The following MAGI2 variants were observed in gnomAD, a reference collection of about 807,000 sequenced individuals.
The protein encoded by MAGI2 is membrane associated guanylate kinase, WW and PDZ domain containing 2, also known as membrane-associated guanylate kinase, WW and PDZ domain-containing protein 2.
Under a neutral mutation model 133.3 loss-of-function variants are expected in MAGI2, and 35 were observed. The ratio of observed to expected loss-of-function variants is 0.26; its 90% confidence interval spans 0.20 to 0.35. MAGI2 has a LOEUF of 0.35. Ranked by LOEUF, MAGI2 falls within the 10% of genes least tolerant of loss-of-function variation. The probability of loss-of-function intolerance (pLI) is 1.00; values close to 1 mark genes in which losing one functional copy is unlikely to be tolerated. For missense variants in MAGI2, 1,636 were observed against 1,863.4 expected (o/e 0.88, Z 2.25); for synonymous variants, 729 against 710.6 (o/e 1.03, Z -0.41).
intron 9 of MAGI2, among the ~76,000 whole-genome samples, chr7:78,289,089 G>C (rs991013431): frequency 6.6e-6 from 1 of 152,198 alleles, no homozygotes; most frequent in Non-Finnish European, 1.5e-5. Context: ...AAGGAACAAA[G>C]TTGGATGGAG....
intron 2 of MAGI2, among the ~76,000 whole-genome samples, chr7:78,996,251 A>T (rs929155766): frequency 6.6e-6 from 1 of 152,044 alleles, no homozygotes; most frequent in East Asian, 1.9e-4. Flanking sequence ...AGATAAGAAG[A>T]GCTGAGGTAA....
chr7:78,255,822 A>G (rs1190318796), intron 10 of MAGI2, 121 bp downstream of exon 10: 4 of 1,039,570 alleles, frequency 3.8e-6, no homozygotes, highest in Non-Finnish European at 4.3e-6. Context: ...TCACTCTTTA[A>G]GCTTTATTTT....
intron 3 of MAGI2, among the ~76,000 whole-genome samples, chr7:78,579,554 C>T (rs1413373838): frequency 6.6e-6 from 1 of 152,150 alleles, no homozygotes. Context: ...GAGATGGTAC[C>T]AGAGGAATCT....
chr7:78,143,633 A>G (rs1473814051), intron 16 of MAGI2, among the ~76,000 whole-genome samples: 1 of 152,166 alleles, frequency 6.6e-6, no homozygotes. Context: ...TATTTTTTGA[A>G]GAAGCATTTA....
intron 1 of MAGI2, among the ~76,000 whole-genome samples, chr7:79,245,285 T>C (rs993039010): frequency 6.6e-6 from 1 of 152,142 alleles, no homozygotes; most frequent in African/African-American, 2.4e-5. Flanking sequence ...TCAGCATAGG[T>C]ACTAACATGA....
At chr7:79,116,376 T>C (rs1007087482) in intron 1 of MAGI2, among the ~76,000 whole-genome samples, 2 of 152,108 alleles carry the variant, frequency 1.3e-5, no homozygotes, top group East Asian at 3.9e-4. Context: ...TCAGGGAATG[T>C]ACTATCCCCA....
intron 20 of MAGI2, among the ~76,000 whole-genome samples, chr7:78,123,431 G>C (rs970286793): frequency 1.3e-5 from 2 of 152,052 alleles, no homozygotes; most frequent in Non-Finnish European, 2.9e-5. Context: ...GACACAGCAA[G>C]GGATCAAAAA....
At chr7:78,395,564 G>A (rs1796271898) in intron 6 of MAGI2, among the ~76,000 whole-genome samples, 1 of 152,182 alleles carries the variant, frequency 6.6e-6, no homozygotes, top group African/African-American at 2.4e-5. Flanking sequence ...TTAATGTAGG[G>A]AGGAGGTAGA....
At chr7:79,019,377 C>T (rs1809058018) in intron 1 of MAGI2, among the ~76,000 whole-genome samples, 1 of 151,986 alleles carries the variant, frequency 6.6e-6, no homozygotes, top group Non-Finnish European at 1.5e-5. Context: ...AAGATGTTTC[C>T]CCTTTCATTC....
intron 2 of MAGI2, among the ~76,000 whole-genome samples, chr7:78,973,538 C>T (rs1803967869): frequency 1.3e-5 from 2 of 150,916 alleles, no homozygotes; most frequent in Admixed American, 6.6e-5. Context: ...AGAGAATTTG[C>T]TGCAAGAGAC....
At chr7:78,757,418 C>T (rs2151291992) in intron 2 of MAGI2, among the ~76,000 whole-genome samples, 1 of 152,096 alleles carries the variant, frequency 6.6e-6, no homozygotes, top group South Asian at 2.1e-4. Flanking sequence ...AAAATTCCAC[C>T]TCTTGGCCCT....
intron 1 of MAGI2, among the ~76,000 whole-genome samples, chr7:79,071,222 G>T (rs1814928871): frequency 6.6e-6 from 1 of 152,200 alleles, no homozygotes; most frequent in Non-Finnish European, 1.5e-5. Context: ...CAGGTCTGCT[G>T]GATTTTGCTG....
At chr7:78,256,844 G>A (rs930874486) in intron 9 of MAGI2, among the ~76,000 whole-genome samples, 2 of 152,152 alleles carry the variant, frequency 1.3e-5, no homozygotes, top group Non-Finnish European at 2.9e-5. Context: ...CAAAGGCTCT[G>A]AAAGAAAAGG....
chr7:78,588,976 C>T (rs1307634756), intron 3 of MAGI2, among the ~76,000 whole-genome samples: 1 of 152,110 alleles, frequency 6.6e-6, no homozygotes, highest in African/African-American at 2.4e-5. Flanking sequence ...AGTAGGAATT[C>T]CCAAGCTTCT....
intron 1 of MAGI2, among the ~76,000 whole-genome samples, chr7:79,292,886 C>T (rs772625113): frequency 3.4e-5 from 5 of 147,690 alleles, no homozygotes; most frequent in African/African-American, 5.0e-5. Flanking sequence ...ATTAAGTCTT[C>T]GGCTTCCTCT....
At chr7:78,162,455 G>T (rs1350648519) in intron 15 of MAGI2, among the ~76,000 whole-genome samples, 1 of 150,616 alleles carries the variant, frequency 6.6e-6, no homozygotes, top group African/African-American at 2.5e-5. Flanking sequence ...AACCCGGGAG[G>T]CAGAGCTTGC....
intron 3 of MAGI2, among the ~76,000 whole-genome samples, chr7:78,597,867 TTTTTC>T (rs1363626609): frequency 9.0e-6 from 1 of 111,440 alleles, no homozygotes; most frequent in African/African-American, 5.2e-5. Context: ...ACTGTTTTTT[TTTTTC>T]CCCATAGAGT....
rs533479167 is a variant in MAGI2 at position 78,927,549 on chromosome 7, C to G, written c.418+79541G>C. 2.8e-4 allele frequency among the ~76,000 whole-genome samples: 43 copies of G among 151,864 alleles called. No homozygotes were observed. In the Middle Eastern group the frequency reaches 0.01, roughly 36 times the overall value. On this transcript the variant is annotated intron_variant, in intron 2 of 21. Transcript: ENST00000354212. Reference sequence around the variant, plus strand: ...AAGGGTAGAGATAAGGGTAAGGGCTCCTAATGGTGACAGAAACACAGGTAG... The same window carrying G: ...AAGGGTAGAGATAAGGGTAAGGGCTGCTAATGGTGACAGAAACACAGGTAG...
intron 3 of MAGI2, among the ~76,000 whole-genome samples, chr7:78,620,297 G>C (rs1807588463): frequency 6.6e-6 from 1 of 151,854 alleles, no homozygotes; most frequent in African/African-American, 2.4e-5. Context: ...TATCTTGATT[G>C]CAGATTCAAA....
Sources: allele counts gnomAD v4.1 joint callset (sites outside exome capture counted in the v4.1 genomes callset), GRCh38; gene constraint gnomAD v4.1.1; transcripts MANE v1.5; gene names NCBI Gene and HGNC (gene_info 2026-07-23, HGNC 2026-07-21).